Variants in DYNC2H1 observed in about 807,000 individuals in gnomAD.
DYNC2H1 encodes cytoplasmic dynein 2 heavy chain 1.
Under a neutral mutation model 570.0 loss-of-function variants are expected in DYNC2H1, and 410 were observed. The ratio of observed to expected loss-of-function variants is 0.72; its 90% CI spans 0.66 to 0.78. The LOEUF is 0.78. Among genes scored for constraint, DYNC2H1 ranks in the 30% least tolerant of loss-of-function variants. The probability of loss-of-function intolerance (pLI) is 0.00; values close to 1 mark genes in which losing one functional copy is unlikely to be tolerated. For missense variants in DYNC2H1, 4,865 were observed against 5,046.4 expected, an observed-to-expected ratio of 0.96 and a Z score of 1.09; for synonymous variants, 1,688 against 1,677.6, an observed-to-expected ratio of 1.01 and a Z score of -0.15.
At position 103,109,645 on chromosome 11, in the gene DYNC2H1, T is replaced by G; in HGVS notation, c.71T>G (p.Met24Arg). Residue 24 changes from methionine (M) to arginine (R), a missense_variant, in exon 1 of 89, where the codon ATG becomes AGG. This residue lies in a region of DYNC2H1 where 1,936 missense variants were observed against 1,962.1 expected (regional missense o/e 0.99). Transcript: ENST00000375735. ...ACTACCCAGAATTACTTCGGGTTGATGTCTGAACTCTGGGATCAGCCACTG... is the reference window on the plus strand; with the variant it reads ...ACTACCCAGAATTACTTCGGGTTGAGGTCTGAACTCTGGGATCAGCCACTG... ...FTTTQNYFGLMSELWDQPLLC... is the reference protein window; with the variant it reads ...FTTTQNYFGLRSELWDQPLLC... The G allele has an allele frequency of 6.2e-7, 1 of 1,614,040 alleles. No individual in the cohort carries two copies. The highest frequency in any genetic ancestry group is 8.5e-7 in the Non-Finnish European group (1 of 1,179,898).
At chr11:103,236,362 C>A in intron 62 of DYNC2H1, 68 bp from the exon 63 acceptor site, 1 of 967,148 alleles carries the variant, frequency 1.0e-6, no homozygotes, top group Non-Finnish European at 1.7e-6. Context: ...GAATAAATAG[C>A]TTTATTTCCT....
chr11:103,182,079 A>G (rs1861873529), intron 40 of DYNC2H1, among the ~76,000 whole-genome samples, 193 bp downstream of exon 40: 1 of 151,606 alleles, frequency 6.6e-6, no homozygotes, highest in Non-Finnish European at 1.5e-5. Context: ...TTATTTTGTT[A>G]GTCTTAAAAC....
intron 73 of DYNC2H1, among the ~76,000 whole-genome samples, chr11:103,285,482 G>T (rs1248799636): frequency 6.7e-6 from 1 of 149,596 alleles, no homozygotes; most frequent in Non-Finnish European, 1.5e-5. Context: ...GAGTGCAGTG[G>T]CGTGATCTCG....
At chr11:103,381,570 T>A (rs1055235838) in intron 83 of DYNC2H1, among the ~76,000 whole-genome samples, 4 of 152,186 alleles carry the variant, frequency 2.6e-5, no homozygotes, top group African/African-American at 9.6e-5. Context: ...TGCCTCAACC[T>A]CCCGCGTAGC....
intron 83 of DYNC2H1, among the ~76,000 whole-genome samples, chr11:103,376,417 G>T (rs61896833): frequency 0.19 from 28,638 of 152,030 alleles, 2,908 homozygotes; most frequent in Admixed American, 0.27. Flanking sequence ...TGGTTTGGTT[G>T]TTTCAACAGT....
At chr11:103,358,025 G>A (rs1940437361) in intron 82 of DYNC2H1, among the ~76,000 whole-genome samples, 1 of 152,052 alleles carries the variant, frequency 6.6e-6, no homozygotes, top group Admixed American at 6.6e-5. Context: ...TTAAAAATCG[G>A]TTTTCCCCAA....
chr11:103,239,277 G>A lies in DYNC2H1; in HGVS notation c.9819+2738G>A, dbSNP rs1385907570. 6.6e-6 allele frequency among the ~76,000 whole-genome samples: 1 copy of A among 151,986 alleles called. No homozygotes were observed. The highest frequency in any genetic ancestry group is 2.4e-5 in the African/African-American group (1 of 41,378). On this transcript the variant is annotated intron_variant, in intron 63 of 88. Transcript: ENST00000375735. The surrounding 1 kb of genome is among the most constrained non-coding windows in gnomAD (Gnocchi z 4.3). ...ATATGCTGAGGAAATGCAAACTAAT[G>A]TGATACTAGTCTAAGAATATAAAAT...
At chr11:103,296,068 G>A (rs770185852) in intron 75 of DYNC2H1, among the ~76,000 whole-genome samples, 6 of 152,168 alleles carry the variant, frequency 3.9e-5, no homozygotes, top group Non-Finnish European at 5.9e-5. Flanking sequence ...GTGCTGTGCT[G>A]CCTGTGGTTG....
chr11:103,228,599 A>G lies in DYNC2H1; in HGVS notation c.9354-2661A>G, dbSNP rs1231242618. ...CTGCTCCACTGGAGGTAGCAGGGGAATGAAGTGAACTCTGTGATGGTCATT... is the reference window on the plus strand; with the variant it reads ...CTGCTCCACTGGAGGTAGCAGGGGAGTGAAGTGAACTCTGTGATGGTCATT... On this transcript the variant is annotated intron_variant, in intron 59 of 88. Transcript: ENST00000375735. The surrounding 1 kb of genome is among the most constrained non-coding windows in gnomAD (Gnocchi z 6.1). Among the ~76,000 whole-genome samples the G allele has an allele frequency of 6.6e-6, 1 of 152,038 alleles. No homozygotes were observed. Among genetic ancestry groups the G allele is most frequent in the Non-Finnish European group, 1.5e-5 (1 of 67,990 alleles).
rs1485167011 is a variant in DYNC2H1 at position 103,165,952 on chromosome 11, A to G, written c.4666A>G (p.Lys1556Glu). ...KFTEDVENAIKDHSLHQIETQ... is the reference protein window; with the variant it reads ...KFTEDVENAIEDHSLHQIETQ... ...CACTGAAGATGTAGAAAATGCTATT[A>G]AAGATCATAGTCTTCATCAGATTGA... The change falls in exon 31 of 89, where the codon AAA becomes GAA. Residue 1556 changes from lysine to glutamate, a missense_variant. Coordinates refer to ENST00000375735, the MANE Select transcript of DYNC2H1 (RefSeq NM_001377.3). 1.3e-6 allele frequency: 2 copies of G among 1,514,896 alleles called. No homozygotes were observed. The highest frequency in any genetic ancestry group is 1.8e-6 in the Non-Finnish European group (2 of 1,131,012). 93.8% of individuals were successfully genotyped at this position (1,514,896 alleles called of 1,614,324 possible). A position where few individuals can be genotyped will look rare whatever the true frequency, so the allele number is the denominator to read the frequency against.
In DYNC2H1 at chr11:103,177,949, C is replaced by T. The variant is rs1861695155; in HGVS notation, c.6139+129C>T. 3.7e-6 allele frequency: 4 copies of T among 1,087,032 alleles called. No homozygotes were observed. The South Asian group carries it at 5.7e-5, about 15-fold the overall frequency. 67.3% of individuals were successfully genotyped at this position (1,087,032 alleles called of 1,614,324 possible). ...GTCATAATTAAGTTAAAATGATGTACATTTGATATTTTACTTTGGAGGGGG... is the reference window on the plus strand; with the variant it reads ...GTCATAATTAAGTTAAAATGATGTATATTTGATATTTTACTTTGGAGGGGG... On this transcript the variant is annotated intron_variant, in intron 38 of 88. Transcript: ENST00000375735. The surrounding 1 kb of genome is among the most constrained non-coding windows in gnomAD (Gnocchi z 4.4).
chr11:103,124,981 A>AT (rs1858915579), intron 11 of DYNC2H1, 119 bp from the exon 12 acceptor site: 1 of 679,270 alleles, frequency 1.5e-6, no homozygotes, highest in Non-Finnish European at 2.3e-6. Context: ...ATAATTAAAA[A>AT]GTTTTTTTTT....
At chr11:103,140,525 G>T (rs1189028212) in intron 17 of DYNC2H1, among the ~76,000 whole-genome samples, 1 of 152,188 alleles carries the variant, frequency 6.6e-6, no homozygotes, top group South Asian at 2.1e-4. Flanking sequence ...TCTTTAGAAT[G>T]TTGAATATTG....
intron 70 of DYNC2H1, among the ~76,000 whole-genome samples, chr11:103,273,419 G>A (rs906859035): frequency 1.3e-5 from 2 of 152,030 alleles, no homozygotes; most frequent in African/African-American, 4.8e-5. Flanking sequence ...AAACTCGTGA[G>A]CTCAAGTCAT....
chr11:103,473,586 C>A (rs978632697), intron 88 of DYNC2H1, among the ~76,000 whole-genome samples: 1 of 152,144 alleles, frequency 6.6e-6, no homozygotes, highest in African/African-American at 2.4e-5. Flanking sequence ...ATATTAACAT[C>A]TCTGAGAAGT....
chr11:103,322,771 A>C (rs1037824513), intron 81 of DYNC2H1, among the ~76,000 whole-genome samples: 1 of 152,206 alleles, frequency 6.6e-6, no homozygotes, highest in Non-Finnish European at 1.5e-5. Context: ...GACTTATGAC[A>C]ATCACTGTTT....
intron 87 of DYNC2H1, among the ~76,000 whole-genome samples, chr11:103,462,703 C>G (rs907230138): frequency 2.0e-5 from 3 of 152,118 alleles, no homozygotes; most frequent in African/African-American, 7.2e-5. Flanking sequence ...TTGATAGTTT[C>G]CAGCAGTGTC....
In DYNC2H1 at chr11:103,168,853, A is replaced by G; in HGVS notation, c.4861A>G (p.Thr1621Ala). 1 of 1,613,360 alleles carries G rather than the reference A, an allele frequency of 6.2e-7. No individual in the cohort carries two copies. The highest frequency in any genetic ancestry group is 1.7e-5 in the Admixed American group (1 of 59,986). Residue 1621 changes from threonine to alanine, a missense_variant, in exon 32 of 89, where the codon ACT becomes GCT. Coordinates refer to ENST00000375735, the MANE Select transcript of DYNC2H1 (RefSeq NM_001377.3). ...GTTAAACCAAATTCAGGTTCATACA[A>G]CTGAAGACTGGGCTTGGAAAAAACA... ...KQLNQIQVHT[T>A]EDWAWKKQLR...
chr11:103,171,604 A>G (rs534165765), intron 34 of DYNC2H1, among the ~76,000 whole-genome samples: 35 of 152,238 alleles, frequency 2.3e-4, no homozygotes, highest in South Asian at 1.0e-3. Context: ...TTATAATAAT[A>G]TTTATATTGT....
Sources: allele counts gnomAD v4.1 joint callset (sites outside exome capture counted in the v4.1 genomes callset), GRCh38; gene constraint gnomAD v4.1.1; regional missense constraint gnomAD v4.1.1; non-coding constraint Gnocchi (gnomAD v3.1); transcripts MANE v1.5; gene names NCBI Gene and HGNC (gene_info 2026-07-23, HGNC 2026-07-21).